TCERG1L: variants seen among roughly 807,000 people sequenced by gnomAD.
TCERG1L encodes the protein transcription elongation regulator 1-like protein.
Under a neutral mutation model 56.3 loss-of-function variants are expected in TCERG1L, and 37 were observed. The observed-to-expected ratio is 0.66, with a 90% CI of 0.51 to 0.87. The LOEUF (loss-of-function observed/expected upper bound fraction) is 0.87. TCERG1L is among the 40% of genes least tolerant of loss of function. TCERG1L has a pLI of 0.00. For missense variants in TCERG1L, 799 were observed against 774.2 expected, an observed-to-expected ratio of 1.03 and a Z score of -0.38; for synonymous variants, 324 against 326.3, an observed-to-expected ratio of 0.99 and a Z score of 0.08.
intron 3 of TCERG1L, among the ~76,000 whole-genome samples, chr10:131,269,036 C>T (rs150345710): frequency 1.3e-5 from 2 of 152,310 alleles, no homozygotes; most frequent in East Asian, 3.9e-4. Flanking sequence ...TGCATGACAC[C>T]TAGTTTTCAG....
chr10:131,289,144 A>T (rs528107750), intron 3 of TCERG1L, among the ~76,000 whole-genome samples: 1,581 of 148,490 alleles, frequency 0.011, 88 homozygotes, highest in Admixed American at 0.089. Flanking sequence ...AAAAGTCTTG[A>T]TTTTTTTTTT....
intron 4 of TCERG1L, among the ~76,000 whole-genome samples, chr10:131,183,013 G>A (rs966864550): frequency 1.9e-4 from 29 of 152,262 alleles, no homozygotes; most frequent in African/African-American, 5.5e-4. Flanking sequence ...GATTTGTAAC[G>A]TCAGGCTGCA....
At chr10:131,197,643 C>T (rs1367710666) in intron 4 of TCERG1L, among the ~76,000 whole-genome samples, 1 of 152,202 alleles carries the variant, frequency 6.6e-6, no homozygotes, top group Non-Finnish European at 1.5e-5. Flanking sequence ...ACAAGCAGGT[C>T]TACCCAGGGA....
At chr10:131,285,487 A>T (rs1846517010) in intron 3 of TCERG1L, among the ~76,000 whole-genome samples, 1 of 19,454 alleles carries the variant, frequency 5.1e-5, no homozygotes, top group Admixed American at 7.4e-4. Flanking sequence ...AAAGAAAGAA[A>T]GAAAGAAAGA....
intron 11 of TCERG1L, 21 bp from the exon 12 acceptor site, chr10:131,093,339 T>C (rs768555972): frequency 1.2e-6 from 2 of 1,611,352 alleles, no homozygotes; most frequent in Non-Finnish European, 1.7e-6. Flanking sequence ...AAGAGTTTCC[T>C]GAGACACCTT....
At chr10:131,194,926 T>C (rs1253571078) in intron 4 of TCERG1L, among the ~76,000 whole-genome samples, 2 of 152,214 alleles carry the variant, frequency 1.3e-5, no homozygotes, top group Non-Finnish European at 1.5e-5. Context: ...CAAGGAGCAA[T>C]AAATACTGCT....
intron 4 of TCERG1L, among the ~76,000 whole-genome samples, chr10:131,241,490 A>G (rs1845971651): frequency 6.6e-6 from 1 of 152,154 alleles, no homozygotes; most frequent in African/African-American, 2.4e-5. Context: ...AACACAGGGG[A>G]TAGCGCAATA....
intron 4 of TCERG1L, among the ~76,000 whole-genome samples, chr10:131,180,612 T>C (rs923280111): frequency 6.6e-6 from 1 of 152,194 alleles, no homozygotes; most frequent in Non-Finnish European, 1.5e-5. Flanking sequence ...ACTATTCCTA[T>C]AGGTGTATTT....
At chr10:131,214,052 A>G (rs74508707) in intron 4 of TCERG1L, among the ~76,000 whole-genome samples, 3 of 15,462 alleles carry the variant, frequency 1.9e-4, no homozygotes, top group Admixed American at 7.6e-4. Context: ...ACACACACGC[A>G]CACACACACG....
At chr10:131,264,863 A>G (rs1312441904) in intron 3 of TCERG1L, among the ~76,000 whole-genome samples, 1 of 152,158 alleles carries the variant, frequency 6.6e-6, no homozygotes, top group Admixed American at 6.5e-5. Context: ...AAACTGCAGG[A>G]GCCTTTTGTT....
At chr10:131,189,214 G>A (rs1845280180) in intron 4 of TCERG1L, among the ~76,000 whole-genome samples, 1 of 152,106 alleles carries the variant, frequency 6.6e-6, no homozygotes, top group African/African-American at 2.4e-5. Context: ...TAGGGCACAA[G>A]TGCAATTTTA....
chr10:131,185,628 A>T (rs1368251533), intron 4 of TCERG1L, among the ~76,000 whole-genome samples: 1 of 152,238 alleles, frequency 6.6e-6, no homozygotes, highest in Non-Finnish European at 1.5e-5. Context: ...GCGAACAGGC[A>T]TGTGAAAAGG....
chr10:131,216,944 G>A (rs1845676108), intron 4 of TCERG1L, among the ~76,000 whole-genome samples: 1 of 152,182 alleles, frequency 6.6e-6, no homozygotes. Flanking sequence ...CAGGGCACAG[G>A]ACCAGGCTGG....
chr10:131,148,597 T>A (rs1257757344), intron 6 of TCERG1L, among the ~76,000 whole-genome samples: 2 of 150,182 alleles, frequency 1.3e-5, no homozygotes, highest in Non-Finnish European at 3.0e-5. Flanking sequence ...CAGACACACA[T>A]GCACACGTAG....
At chr10:131,261,889 A>T (rs2133544701) in intron 3 of TCERG1L, among the ~76,000 whole-genome samples, 1 of 152,264 alleles carries the variant, frequency 6.6e-6, no homozygotes, top group African/African-American at 2.4e-5. Flanking sequence ...CCTCACTGAG[A>T]AGGAAAAAAT....
chr10:131,187,880 G>T (rs186486025), intron 4 of TCERG1L, among the ~76,000 whole-genome samples: 3 of 152,184 alleles, frequency 2.0e-5, no homozygotes, highest in African/African-American at 7.2e-5. Context: ...AGAGGGGAGG[G>T]CTCCATGTGC....
At chr10:131,144,307 C>T (rs79988123) in intron 7 of TCERG1L, among the ~76,000 whole-genome samples, 3,717 of 152,294 alleles carry the variant, frequency 0.024, 187 homozygotes, top group East Asian at 0.23. Context: ...ACCATCTCCC[C>T]TAGGCTTGTT....
At chr10:131,231,835 G>A (rs531007164) in intron 4 of TCERG1L, among the ~76,000 whole-genome samples, 6 of 152,268 alleles carry the variant, frequency 3.9e-5, no homozygotes, top group African/African-American at 1.4e-4. Flanking sequence ...GACAAGGGGG[G>A]CTCTCCCTCT....
chr10:131,183,480 A>C (rs965397497), intron 4 of TCERG1L, among the ~76,000 whole-genome samples: 3 of 152,094 alleles, frequency 2.0e-5, no homozygotes, highest in Non-Finnish European at 4.4e-5. Context: ...CATCCACCAG[A>C]ACTTGTATTT....
Sources: gnomAD v4.1 joint callset for allele counts (sites outside exome capture counted in the v4.1 genomes callset) on GRCh38, gnomAD v4.1.1 for gene constraint, MANE v1.5 for transcripts, NCBI Gene and HGNC (gene_info 2026-07-23, HGNC 2026-07-21) for gene names.